Variants in AUNIP observed in about 807,000 individuals in gnomAD.
The protein encoded by AUNIP is aurora kinase A- and ninein-interacting protein.
A neutral mutation model predicts 12.2 loss-of-function variants in AUNIP; 16 were observed. The observed-to-expected ratio is 1.31, with a 90% CI of 0.88 to 1.99. AUNIP has a LOEUF of 1.99. Among genes scored for constraint, AUNIP ranks in the 30% most tolerant of loss-of-function variants. AUNIP has a pLI of 0.00. For missense variants in AUNIP, 411 were observed against 419.1 expected, an observed-to-expected ratio of 0.98 and a Z score of 0.17; for synonymous variants, 142 against 154.8, an observed-to-expected ratio of 0.92 and a Z score of 0.61.
chr1:25,856,228 G>A (rs965597888), intron 1 of AUNIP, among the ~76,000 whole-genome samples: 2 of 151,972 alleles, frequency 1.3e-5, no homozygotes, highest in Non-Finnish European at 2.9e-5. Context: ...AGCCAGGTAT[G>A]GTGGCACACG....
chr1:25,839,073 A>G (rs2048330827), intron 1 of AUNIP, among the ~76,000 whole-genome samples: 1 of 152,260 alleles, frequency 6.6e-6, no homozygotes, highest in South Asian at 2.1e-4. Flanking sequence ...TACAACTAGA[A>G]AACTGGATCA....
intron 1 of AUNIP, among the ~76,000 whole-genome samples, chr1:25,840,764 G>A (rs1003630189): frequency 6.6e-6 from 1 of 152,142 alleles, no homozygotes; most frequent in Non-Finnish European, 1.5e-5. Context: ...CAATACATTT[G>A]AGGATACCCA....
chr1:25,841,733 C>T (rs893747959), intron 1 of AUNIP, among the ~76,000 whole-genome samples: 4 of 151,992 alleles, frequency 2.6e-5, no homozygotes, highest in Non-Finnish European at 5.9e-5. Context: ...ACTGTGTTGG[C>T]CAGGATGGTC....
intron 2 of AUNIP, 152 bp from the exon 3 acceptor site, chr1:25,835,998 GTT>G: frequency 8.1e-7 from 1 of 1,238,408 alleles, no homozygotes; most frequent in Non-Finnish European, 1.1e-6. Context: ...CAATCTTCCT[GTT>G]TTCAATCTTG....
chr1:25,849,973 C>T (rs1572266447), intron 1 of AUNIP, among the ~76,000 whole-genome samples: 1 of 152,084 alleles, frequency 6.6e-6, no homozygotes, highest in East Asian at 1.9e-4. Flanking sequence ...TGATGTTCAT[C>T]AGTTGATGAC....
At chr1:25,848,886 T>A (rs1257394851) in intron 1 of AUNIP, among the ~76,000 whole-genome samples, 1 of 152,246 alleles carries the variant, frequency 6.6e-6, no homozygotes, top group Admixed American at 6.5e-5. Flanking sequence ...ACCGGAAGAT[T>A]TAGGCTTGGG....
chr1:25,843,183 A>ATATATATATATAT (rs1188949749), intron 1 of AUNIP, among the ~76,000 whole-genome samples: 189 of 114,180 alleles, frequency 1.7e-3, no homozygotes, highest in Non-Finnish European at 2.9e-3. Flanking sequence ...AAAAAAAAAA[A>ATATATATATATAT]AAATATATAT....
At position 25,835,212 on chromosome 1, in the gene AUNIP, A is replaced by G. The variant is rs1170710919; in HGVS notation, c.855T>C (p.Ser285=). The G allele has an allele frequency of 4.3e-6, 7 of 1,614,126 alleles. No individual in the cohort carries two copies. Among genetic ancestry groups the G allele is most frequent in the Non-Finnish European group, 5.9e-6 (7 of 1,180,018 alleles). ...CTTGAGAATCTTCAGTGAAAAGTTG[A>G]CTCCAGGAGTCCTTGTCATTCTTTT... is the stretch of plus-strand genomic sequence containing the variant. The part of the protein sequence containing the change: ...DNEKNDKDSW[S]QLFTEDSQGQ... Residue 285 remains serine, a synonymous_variant, in exon 3 of 3, where the codon AGT becomes AGC. Transcript: ENST00000374298.
In AUNIP at chr1:25,837,432, G is replaced by A; in HGVS notation, c.201C>T (p.Ser67=). 6.2e-7 allele frequency: 1 copy of A among 1,613,662 alleles called. No individual in the cohort carries two copies. Among genetic ancestry groups the A allele is most frequent in the Non-Finnish European group, 8.5e-7 (1 of 1,179,838 alleles). The change falls in exon 2 of 3, where the codon TCC becomes TCT. Residue 67 remains serine, a synonymous_variant. Coordinates refer to ENST00000374298, the MANE Select transcript of AUNIP (RefSeq NM_024037.3). ...STGIHQRSIA[S]FFTLQPGKTN... Reference sequence around the variant, plus strand: ...CCATACCTGGCTGCAAGGTGAAGAAGGAAGCAATGCTTCTCTGGTGAATGC... The same window carrying A: ...CCATACCTGGCTGCAAGGTGAAGAAAGAAGCAATGCTTCTCTGGTGAATGC...
intron 1 of AUNIP, among the ~76,000 whole-genome samples, chr1:25,843,887 T>C (rs1430646278): frequency 6.6e-6 from 1 of 151,974 alleles, no homozygotes; most frequent in Non-Finnish European, 1.5e-5. Flanking sequence ...CTTCTTGCAA[T>C]GGAGTCTACT....
Position 25,844,547 on chromosome 1 carries a change from G to A in AUNIP, c.79-6993C>T, listed in dbSNP as rs114764609. On this transcript the variant is annotated intron_variant, in intron 1 of 2. Transcript: ENST00000374298. ...TCTTATTTTATCTTTTAACTCTTCC[G>A]ATAATTTATCTATAAGTTTATCTTA... is the stretch of plus-strand genomic sequence containing the variant. Among the ~76,000 whole-genome samples, 257 of 151,734 alleles carry A rather than the reference G, an allele frequency of 1.7e-3. 2 individuals carry two copies. The highest frequency in any genetic ancestry group is 0.011 in the East Asian group (58 of 5,174).
intron 1 of AUNIP, among the ~76,000 whole-genome samples, chr1:25,838,547 T>A (rs959462035): frequency 3.3e-5 from 5 of 150,914 alleles, no homozygotes; most frequent in African/African-American, 1.2e-4. Flanking sequence ...TTTATTCACA[T>A]AAAAGGCTTA....
chr1:25,831,954 T>TG (rs1557446470), downstream of AUNIP: 1 of 1,614,226 alleles, frequency 6.2e-7, no homozygotes, highest in Admixed American at 1.7e-5. Context: ...AAGACCCTGC[T>TG]GTGCTTATCT....
At position 25,834,911 on chromosome 1, in the gene AUNIP, C is replaced by T. The variant is rs189884388; in HGVS notation, c.*82G>A. ...CATGCCACCTTCCCACCTAAACAAA[C>T]TCACTCCTCTCTCCACCCACAACTA... On this transcript the variant is annotated 3_prime_UTR_variant, in exon 3 of 3. Transcript: ENST00000374298. 1.8e-5 allele frequency: 28 copies of T among 1,528,368 alleles called. 1 individual carries two copies. The African/African-American group carries it at 2.8e-4, about 15-fold the overall frequency. 94.7% of individuals were successfully genotyped at this position (1,528,368 alleles called of 1,614,324 possible).
chr1:25,843,624 G>C (rs7521927), intron 1 of AUNIP, among the ~76,000 whole-genome samples: 2 of 109,920 alleles, frequency 1.8e-5, no homozygotes, highest in Non-Finnish European at 3.7e-5. Flanking sequence ...AAAAAAAAAA[G>C]GGATTCATGA....
chr1:25,840,752 C>T (rs907414537), intron 1 of AUNIP, among the ~76,000 whole-genome samples: 1 of 152,168 alleles, frequency 6.6e-6, no homozygotes, highest in South Asian at 2.1e-4. Context: ...TTGGGACCAA[C>T]TCAATACATT....
chr1:25,849,165 C>A (rs1327182103), intron 1 of AUNIP, among the ~76,000 whole-genome samples: 1 of 152,200 alleles, frequency 6.6e-6, no homozygotes, highest in Non-Finnish European at 1.5e-5. Context: ...CATAATGTCC[C>A]ACTGCACTCC....
rs2124519873 is a variant in AUNIP at position 25,859,402 on chromosome 1, C to G, written c.-45G>C. On this transcript the variant is annotated 5_prime_UTR_variant, in exon 1 of 3. Coordinates refer to ENST00000374298, the MANE Select transcript of AUNIP (RefSeq NM_024037.3). Reference sequence around the variant, plus strand: ...CCGGCAGGACGCCGGCGCAGGCTCCCGGCGCCTCAGGGAACGCCAGAACCG... The same window carrying G: ...CCGGCAGGACGCCGGCGCAGGCTCCGGGCGCCTCAGGGAACGCCAGAACCG... 3 of 1,468,814 alleles carry G rather than the reference C, an allele frequency of 2.0e-6. No homozygotes were observed. The highest frequency in any genetic ancestry group is 2.8e-5 in the East Asian group (1 of 35,164). The allele number at this position is 1,468,814 out of a possible 1,614,324, so 91.0% of individuals were successfully genotyped here.
chr1:25,859,389 C>T lies in AUNIP; in HGVS notation c.-32G>A. ...TGAGGAGACGAAGCCGGCAGGACGC[C>T]GGCGCAGGCTCCCGGCGCCTCAGGG... On this transcript the variant is annotated 5_prime_UTR_variant, in exon 1 of 3. Coordinates refer to ENST00000374298, the MANE Select transcript of AUNIP (RefSeq NM_024037.3). 3 of 1,481,834 alleles carry T rather than the reference C, an allele frequency of 2.0e-6. No individual in the cohort carries two copies. The highest frequency in any genetic ancestry group is 2.6e-5 in the Admixed American group (1 of 37,946). The allele number at this position is 1,481,834 out of a possible 1,614,324, so 91.8% of individuals were successfully genotyped here.
Sources: allele counts gnomAD v4.1 joint callset (sites outside exome capture counted in the v4.1 genomes callset), GRCh38; gene constraint gnomAD v4.1.1; transcripts MANE v1.5; gene names NCBI Gene and HGNC (gene_info 2026-07-23, HGNC 2026-07-21).